PUDP: variants seen among roughly 807,000 people sequenced by gnomAD.
PUDP encodes the protein pseudouridine-5'-phosphatase.
PUDP carries 8 observed loss-of-function variants against 9.4 expected under a neutral mutation model. That is an observed-to-expected ratio of 0.85 (90% CI 0.50 to 1.53). The LOEUF (loss-of-function observed/expected upper bound fraction) is 1.53, where lower values mean the gene tolerates loss of function less well. PUDP is among the 40% of genes most tolerant of loss of function. The probability of loss-of-function intolerance (pLI) is 0.00; values close to 1 mark genes in which losing one functional copy is unlikely to be tolerated. For synonymous variants in PUDP, 99 were observed against 80.7 expected (o/e 1.23, Z -1.22); for missense variants, 188 against 189.7 (o/e 0.99, Z 0.05).
At chrX:7,142,762 A>G (rs1274824159) in intron 1 of PUDP, among the ~76,000 whole-genome samples, 3 of 105,329 alleles carry the variant, frequency 2.8e-5, no homozygotes, top group African/African-American at 1.1e-4. Flanking sequence ...CTCGGGCCTC[A>G]GCCTCCTGAG....
chrX:6,971,573 C>T (rs1393541150), intron 3 of PUDP, among the ~76,000 whole-genome samples: 5 of 94,019 alleles, frequency 5.3e-5, no homozygotes, highest in African/African-American at 7.4e-5. Context: ...CCCACCACCA[C>T]GCCCGGCTAA....
chrX:6,772,451 A>G (rs1380370604), intron 3 of PUDP, among the ~76,000 whole-genome samples: 4 of 110,650 alleles, frequency 3.6e-5, no homozygotes, highest in Non-Finnish European at 7.6e-5. Context: ...AGAACAGAGA[A>G]AATCATTCTC....
intron 1 of PUDP, among the ~76,000 whole-genome samples, chrX:7,146,759 A>T (rs1317816322): frequency 9.0e-6 from 1 of 110,785 alleles, no homozygotes; most frequent in Non-Finnish European, 1.9e-5. Context: ...AACTGGATCA[A>T]TCCAGAATCG....
Position 7,049,986 on chromosome X carries a change from G to T in PUDP, c.*310C>A, listed in dbSNP as rs1930049834. The T allele has an allele frequency of 4.1e-6, 1 of 244,992 alleles. No homozygotes were observed. 20.2% of individuals were successfully genotyped at this position (244,992 alleles called of 1,213,427 possible). On this transcript the variant is annotated 3_prime_UTR_variant, in exon 4 of 4. Transcript: ENST00000381077. ...GATACACACATGTATATATGGAGGT[G>T]TGTGTGTATATACATGTACATTCAC...
At chrX:6,721,774 A>C (rs1158890104), upstream of PUDP, among the ~76,000 whole-genome samples, 2 of 111,961 alleles carry the variant, frequency 1.8e-5, no homozygotes, top group Admixed American at 1.9e-4. Flanking sequence ...ATTCCATGGA[A>C]ATCACCTATC....
intron 1 of PUDP, among the ~76,000 whole-genome samples, chrX:6,720,287 T>TATATAC (rs1162322257): frequency 8.8e-4 from 73 of 83,130 alleles, no homozygotes; most frequent in African/African-American, 2.9e-3. Context: ...TATATATATA[T>TATATAC]ACACACACAC....
chrX:6,957,389 A>T (rs1928643488), intron 3 of PUDP, among the ~76,000 whole-genome samples: 1 of 29,393 alleles, frequency 3.4e-5, no homozygotes, highest in Admixed American at 6.0e-4. Flanking sequence ...TTTCTTATTA[A>T]AAAAAAAAAA....
chrX:6,961,980 G>T (rs986473148), intron 3 of PUDP, among the ~76,000 whole-genome samples: 4 of 112,235 alleles, frequency 3.6e-5, no homozygotes, highest in Non-Finnish European at 7.5e-5. Context: ...AAGTATGGTA[G>T]GAATTAATAA....
chrX:7,084,152 GA>G (rs1931195461), intron 2 of PUDP, among the ~76,000 whole-genome samples: 2 of 111,053 alleles, frequency 1.8e-5, no homozygotes, highest in Admixed American at 1.9e-4. Flanking sequence ...TCACTTCCTG[GA>G]AACTTTACCA....
At chrX:6,766,110 A>AT (rs749157557) in intron 3 of PUDP, among the ~76,000 whole-genome samples, 4 of 111,731 alleles carry the variant, frequency 3.6e-5, no homozygotes, top group Non-Finnish European at 5.6e-5. Flanking sequence ...TAAAAAAAAA[A>AT]CTGTCAACCC....
At chrX:6,973,122 C>A (rs768147830) in intron 3 of PUDP, among the ~76,000 whole-genome samples, 1 of 111,643 alleles carries the variant, frequency 9.0e-6, no homozygotes, top group Admixed American at 9.5e-5. Context: ...GTCTGGCTAG[C>A]AGTCTATCTA....
intron 3 of PUDP, among the ~76,000 whole-genome samples, chrX:6,840,012 G>A (rs1240904643): frequency 9.0e-6 from 1 of 110,857 alleles, no homozygotes; most frequent in African/African-American, 3.3e-5. Context: ...TGGTTTGGCT[G>A]TGTCCCCACC....
chrX:6,731,297 T>C (rs184060829), intron 3 of PUDP, among the ~76,000 whole-genome samples: 24 of 111,526 alleles, frequency 2.2e-4, no homozygotes, highest in African/African-American at 6.5e-4. Flanking sequence ...GATCTTGACC[T>C]ACTGGCCTCA....
At chrX:6,755,173 G>C (rs1399534473) in intron 3 of PUDP, among the ~76,000 whole-genome samples, 1 of 111,114 alleles carries the variant, frequency 9.0e-6, no homozygotes, top group East Asian at 2.8e-4. Context: ...TATGTATGAA[G>C]TTAGCTGTCT....
intron 3 of PUDP, among the ~76,000 whole-genome samples, chrX:7,067,944 T>G (rs1351016015): frequency 9.0e-6 from 1 of 111,514 alleles, no homozygotes; most frequent in African/African-American, 3.3e-5. Context: ...AAGCTCTCTT[T>G]TTGCCCACTG....
chrX:6,984,298 T>G (rs934180729), intron 1 of PUDP, among the ~76,000 whole-genome samples: 7 of 111,943 alleles, frequency 6.3e-5, no homozygotes, highest in African/African-American at 2.3e-4. Context: ...GGGTTTATTT[T>G]GGGCAGTGAT....
chrX:7,097,196 T>C (rs760476329), intron 2 of PUDP, among the ~76,000 whole-genome samples: 78 of 111,692 alleles, frequency 7.0e-4, no homozygotes, highest in African/African-American at 2.3e-3. Flanking sequence ...CAAGTGCAGG[T>C]TGCATTCTGA....
intron 3 of PUDP, among the ~76,000 whole-genome samples, chrX:6,729,412 G>T (rs780080512): frequency 1.8e-5 from 2 of 112,229 alleles, no homozygotes; most frequent in South Asian, 7.4e-4. Flanking sequence ...TCCCTAAAGT[G>T]TATAAAACCA....
At chrX:6,754,126 G>A (rs1925141121) in intron 3 of PUDP, among the ~76,000 whole-genome samples, 1 of 111,813 alleles carries the variant, frequency 8.9e-6, no homozygotes, top group Non-Finnish European at 1.9e-5. Context: ...ATCTCATTTT[G>A]AACTGTAGTT....
Sources: gnomAD v4.1 joint callset for allele counts (sites outside exome capture counted in the v4.1 genomes callset) on GRCh38, gnomAD v4.1.1 for gene constraint, MANE v1.5 for transcripts, NCBI Gene and HGNC (gene_info 2026-07-23, HGNC 2026-07-21) for gene names.